CTNND2: variants seen among roughly 807,000 people sequenced by gnomAD.
CTNND2 encodes catenin delta-2.
In CTNND2, 22 loss-of-function variants were observed where a neutral mutation model predicts 144.4. The observed-to-expected ratio is 0.15, with a 90% CI of 0.11 to 0.22. CTNND2 has a LOEUF of 0.22. CTNND2 is among the 10% of genes least tolerant of loss of function. CTNND2 has a pLI of 1.00. For synonymous variants in CTNND2, 751 were observed against 695.6 expected, an observed-to-expected ratio of 1.08 and a Z score of -1.25; for missense variants, 1,353 against 1,618.8, an observed-to-expected ratio of 0.84 and a Z score of 2.82.
At chr5:11,300,196 G>T (rs1245188204) in intron 9 of CTNND2, among the ~76,000 whole-genome samples, 2 of 152,024 alleles carry the variant, frequency 1.3e-5, no homozygotes, top group Non-Finnish European at 2.9e-5. Flanking sequence ...CTGCTCTTAG[G>T]AAAAGAGACC....
chr5:11,571,104 T>G (rs1229943857), intron 2 of CTNND2, among the ~76,000 whole-genome samples: 1 of 152,224 alleles, frequency 6.6e-6, no homozygotes, highest in Middle Eastern at 3.2e-3. Flanking sequence ...ATTCTATGGA[T>G]GTAAAATCAT....
At chr5:11,616,976 A>T (rs749054192) in intron 2 of CTNND2, among the ~76,000 whole-genome samples, 1 of 152,036 alleles carries the variant, frequency 6.6e-6, no homozygotes, top group African/African-American at 2.4e-5. Context: ...CCTTTCTCCT[A>T]GGTATTGCCT....
At chr5:11,799,296 C>T (rs1222227648) in intron 1 of CTNND2, among the ~76,000 whole-genome samples, 1 of 152,126 alleles carries the variant, frequency 6.6e-6, no homozygotes, top group Admixed American at 6.6e-5. Context: ...AGTTTTATGT[C>T]ACTGGTGATG....
At chr5:11,054,567 C>T (rs879601950) in intron 16 of CTNND2, among the ~76,000 whole-genome samples, 2 of 152,132 alleles carry the variant, frequency 1.3e-5, no homozygotes, top group Non-Finnish European at 2.9e-5. Flanking sequence ...GCTGCTCCCG[C>T]CTTCCCGCCA....
At chr5:11,800,895 T>C (rs1209401367) in intron 1 of CTNND2, among the ~76,000 whole-genome samples, 1 of 152,200 alleles carries the variant, frequency 6.6e-6, no homozygotes, top group African/African-American at 2.4e-5. Context: ...CTTGCTTTCA[T>C]TACTTTCAGA....
chr5:11,020,391 T>C (rs1339445152), intron 17 of CTNND2, among the ~76,000 whole-genome samples: 1 of 152,136 alleles, frequency 6.6e-6, no homozygotes, highest in Non-Finnish European at 1.5e-5. Flanking sequence ...AGGAATAATT[T>C]AGGGTGGGCA....
rs1782049885 is a variant in CTNND2 at position 11,641,761 on chromosome 5, CATATACGT to C, written c.175-76713_175-76706del. ...ATACATATACGTGTGTATGTACATACATATACGTATATGTATGTACATACATACACGTG... is the reference window on the plus strand; with the variant it reads ...ATACATATACGTGTGTATGTACATACATATGTATGTACATACATACACGTG... On this transcript the variant is annotated intron_variant, in intron 2 of 21. Coordinates refer to ENST00000304623, the MANE Select transcript of CTNND2 (RefSeq NM_001332.4). Among the ~76,000 whole-genome samples, 3 of 144,406 alleles carry C rather than the reference CATATACGT, an allele frequency of 2.1e-5. 1 individual carries two copies. Among genetic ancestry groups the C allele is most frequent in the Admixed American group, 2.0e-4 (3 of 14,724 alleles). 94.7% of individuals were successfully genotyped at this position (144,406 alleles called of 152,430 possible). A position where few individuals can be genotyped will look rare whatever the true frequency, so the allele number is the denominator to read the frequency against.
chr5:11,280,929 G>A (rs1266255768), intron 9 of CTNND2, among the ~76,000 whole-genome samples: 1 of 152,094 alleles, frequency 6.6e-6, no homozygotes, highest in African/African-American at 2.4e-5. Flanking sequence ...GAGTGTGGGT[G>A]GTGTACGAAA....
intron 20 of CTNND2, among the ~76,000 whole-genome samples, chr5:10,985,946 A>C (rs948800645): frequency 6.6e-6 from 1 of 151,964 alleles, no homozygotes; most frequent in African/African-American, 2.4e-5. Context: ...CACCCTCACT[A>C]CCACCACCAC....
At chr5:11,552,318 G>T (rs1775832078) in intron 3 of CTNND2, among the ~76,000 whole-genome samples, 2 of 152,062 alleles carry the variant, frequency 1.3e-5, no homozygotes, top group South Asian at 4.1e-4. Flanking sequence ...ACCATATGAG[G>T]CAACTTACAA....
chr5:11,283,076 C>T (rs1417166358), intron 9 of CTNND2, among the ~76,000 whole-genome samples: 2 of 152,274 alleles, frequency 1.3e-5, no homozygotes, highest in Middle Eastern at 6.8e-3. Context: ...GCTTTGACAC[C>T]CTTACCAATG....
chr5:11,590,564 T>C (rs1032023988), intron 2 of CTNND2, among the ~76,000 whole-genome samples: 3 of 152,024 alleles, frequency 2.0e-5, no homozygotes, highest in African/African-American at 7.2e-5. Flanking sequence ...CTTGTGAATG[T>C]ACTTTGTACG....
At chr5:11,861,539 T>G (rs1795505107) in intron 1 of CTNND2, among the ~76,000 whole-genome samples, 2 of 152,198 alleles carry the variant, frequency 1.3e-5, no homozygotes, top group South Asian at 4.1e-4. Context: ...CCATCTCTCC[T>G]CTGAATGCCA....
chr5:11,322,496 A>G (rs917944438), intron 9 of CTNND2, among the ~76,000 whole-genome samples: 2 of 152,216 alleles, frequency 1.3e-5, no homozygotes, highest in African/African-American at 4.8e-5. Flanking sequence ...ATCCCACACA[A>G]GAGTTCCACT....
intron 9 of CTNND2, among the ~76,000 whole-genome samples, chr5:11,238,705 T>G (rs1373299968): frequency 6.6e-6 from 1 of 152,152 alleles, no homozygotes; most frequent in Non-Finnish European, 1.5e-5. Context: ...CACAGATATA[T>G]ATACACATTA....
At chr5:11,767,852 T>G (rs969238238) in intron 1 of CTNND2, among the ~76,000 whole-genome samples, 9 of 152,198 alleles carry the variant, frequency 5.9e-5, no homozygotes, top group Non-Finnish European at 8.8e-5. Context: ...CCATTGTACA[T>G]TATTTGGATA....
At chr5:10,999,719 C>G (rs1014194474) in intron 18 of CTNND2, among the ~76,000 whole-genome samples, 1 of 152,086 alleles carries the variant, frequency 6.6e-6, no homozygotes, top group Admixed American at 6.5e-5. Flanking sequence ...TAAATTGTTC[C>G]AAGTATATAG....
At chr5:11,416,208 G>A (rs1243970990) in intron 3 of CTNND2, among the ~76,000 whole-genome samples, 1 of 152,090 alleles carries the variant, frequency 6.6e-6, no homozygotes, top group African/African-American at 2.4e-5. Flanking sequence ...AGGACTACAC[G>A]TCATGCTATT....
intron 2 of CTNND2, among the ~76,000 whole-genome samples, chr5:11,709,907 A>G (rs1785925416): frequency 2.6e-5 from 4 of 152,236 alleles, no homozygotes; most frequent in Admixed American, 6.5e-5. Flanking sequence ...ATTACAAAAA[A>G]GCATATTTGT....
Sources: allele counts gnomAD v4.1 joint callset (sites outside exome capture counted in the v4.1 genomes callset), GRCh38; gene constraint gnomAD v4.1.1; transcripts MANE v1.5; gene names NCBI Gene and HGNC (gene_info 2026-07-23, HGNC 2026-07-21).